Variants in CHCHD6 observed in about 807,000 individuals in gnomAD.
The protein encoded by CHCHD6 is MICOS complex subunit MIC25.
A neutral mutation model predicts 32.3 loss-of-function variants in CHCHD6; 28 were observed. The ratio of observed to expected loss-of-function variants is 0.87; its 90% CI spans 0.64 to 1.19. The LOEUF (loss-of-function observed/expected upper bound fraction) is 1.19. Ranked by LOEUF, CHCHD6 falls within the 50% of genes most tolerant of loss-of-function variation. CHCHD6 has a pLI of 0.00. For missense variants in CHCHD6, 333 were observed against 307.0 expected (o/e 1.08, Z -0.63); for synonymous variants, 122 against 117.5 (o/e 1.04, Z -0.25).
At chr3:126,720,162 G>A (rs1188943139) in intron 1 of CHCHD6, among the ~76,000 whole-genome samples, 4 of 152,210 alleles carry the variant, frequency 2.6e-5, no homozygotes, top group East Asian at 1.9e-4. Flanking sequence ...GATTGGAGGC[G>A]TGAGCCACTG....
intron 4 of CHCHD6, among the ~76,000 whole-genome samples, chr3:126,819,031 C>T (rs1413667715): frequency 6.6e-6 from 1 of 152,172 alleles, no homozygotes; most frequent in Non-Finnish European, 1.5e-5. Context: ...CTTATAGGGG[C>T]CTCCGCTTCC....
chr3:126,754,739 A>AAGATGT (rs1429363869), intron 4 of CHCHD6, among the ~76,000 whole-genome samples: 1 of 152,234 alleles, frequency 6.6e-6, no homozygotes, highest in Non-Finnish European at 1.5e-5. Flanking sequence ...ACGTCCCTCC[A>AAGATGT]GATGAATTTT....
intron 5 of CHCHD6, among the ~76,000 whole-genome samples, chr3:126,858,419 G>A (rs940269508): frequency 6.6e-6 from 1 of 152,132 alleles, no homozygotes; most frequent in Non-Finnish European, 1.5e-5. Context: ...CGGCACACGA[G>A]GCTTCATAAA....
intron 5 of CHCHD6, among the ~76,000 whole-genome samples, chr3:126,874,437 C>G (rs1405874031): frequency 6.6e-6 from 1 of 152,100 alleles, no homozygotes; most frequent in Non-Finnish European, 1.5e-5. Flanking sequence ...GCAGCTGAGC[C>G]CGTCAGGATG....
intron 1 of CHCHD6, among the ~76,000 whole-genome samples, chr3:126,716,788 G>C (rs777267301): frequency 1.3e-5 from 2 of 151,996 alleles, no homozygotes; most frequent in African/African-American, 2.4e-5. Flanking sequence ...AGCAGAGTAA[G>C]GGGAGGGACG....
At chr3:126,787,088 T>A (rs1438995266) in intron 4 of CHCHD6, among the ~76,000 whole-genome samples, 1 of 152,226 alleles carries the variant, frequency 6.6e-6, no homozygotes, top group African/African-American at 2.4e-5. Flanking sequence ...GGGAATCCTT[T>A]CCCCATTTCT....
intron 4 of CHCHD6, among the ~76,000 whole-genome samples, chr3:126,803,327 A>T (rs544042144): frequency 1.3e-5 from 2 of 152,090 alleles, no homozygotes; most frequent in East Asian, 3.8e-4. Context: ...CCCATCTCAC[A>T]TGCAGAGACA....
At chr3:126,910,598 C>G (rs185392996) in intron 5 of CHCHD6, among the ~76,000 whole-genome samples, 1 of 152,334 alleles carries the variant, frequency 6.6e-6, no homozygotes, top group East Asian at 1.9e-4. Flanking sequence ...TTGACTTATA[C>G]AGTGTTCCCT....
At chr3:126,736,532 A>G (rs1365874140) in intron 4 of CHCHD6, among the ~76,000 whole-genome samples, 4 of 152,162 alleles carry the variant, frequency 2.6e-5, no homozygotes, top group African/African-American at 4.8e-5. Flanking sequence ...ACTTTTTCCA[A>G]TATTGATTTT....
intron 5 of CHCHD6, among the ~76,000 whole-genome samples, chr3:126,911,541 A>T (rs1220907076): frequency 6.6e-6 from 1 of 152,182 alleles, no homozygotes; most frequent in African/African-American, 2.4e-5. Context: ...GGCAGATTAG[A>T]TGAGTGGGGT....
chr3:126,749,638 G>T (rs954655781), intron 4 of CHCHD6, among the ~76,000 whole-genome samples: 6 of 152,196 alleles, frequency 3.9e-5, no homozygotes, highest in Non-Finnish European at 8.8e-5. Context: ...ACTGGTGGGA[G>T]CTCTGCCAGC....
At chr3:126,841,568 A>ATTTATC (rs1304971298) in intron 4 of CHCHD6, among the ~76,000 whole-genome samples, 3 of 152,078 alleles carry the variant, frequency 2.0e-5, no homozygotes, top group African/African-American at 7.2e-5. Context: ...TATAACCATC[A>ATTTATC]TTTATCTTTC....
intron 4 of CHCHD6, among the ~76,000 whole-genome samples, chr3:126,762,633 A>C (rs1034492647): frequency 2.0e-5 from 3 of 152,076 alleles, no homozygotes; most frequent in Admixed American, 6.6e-5. Context: ...TTTTCTTATT[A>C]ATCTGTCAAA....
intron 5 of CHCHD6, among the ~76,000 whole-genome samples, chr3:126,893,674 C>T (rs188412747): frequency 5.6e-4 from 85 of 152,360 alleles, no homozygotes; most frequent in Non-Finnish European, 5.1e-4. Flanking sequence ...AGGGCTCTAC[C>T]TGGGGAGAAA....
intron 6 of CHCHD6, among the ~76,000 whole-genome samples, chr3:126,914,984 T>C (rs889508935): frequency 2.0e-5 from 3 of 152,204 alleles, no homozygotes; most frequent in East Asian, 3.9e-4. Context: ...GGTGCTAGGG[T>C]AGACTTGCAG....
chr3:126,718,619 A>G (rs1292756052), intron 1 of CHCHD6, among the ~76,000 whole-genome samples: 1 of 152,198 alleles, frequency 6.6e-6, no homozygotes, highest in East Asian at 1.9e-4. Context: ...CGCTCAGAGA[A>G]GCTAAAGAAT....
intron 5 of CHCHD6, among the ~76,000 whole-genome samples, chr3:126,914,196 C>T (rs1302285816): frequency 2.6e-5 from 4 of 152,138 alleles, no homozygotes; most frequent in Admixed American, 1.3e-4. Context: ...TTCACCTCTC[C>T]GGGAAGGAAA....
At chr3:126,749,068 C>T (rs553721980) in intron 4 of CHCHD6, among the ~76,000 whole-genome samples, 1 of 152,246 alleles carries the variant, frequency 6.6e-6, no homozygotes, top group African/African-American at 2.4e-5. Flanking sequence ...AGGGGGAGCT[C>T]TGCAGTTTGT....
intron 4 of CHCHD6, among the ~76,000 whole-genome samples, chr3:126,734,801 G>A (rs1935965909): frequency 6.6e-6 from 1 of 152,190 alleles, no homozygotes; most frequent in South Asian, 2.1e-4. Flanking sequence ...TGTTGAGAAG[G>A]TGATCGGATC....
Sources: allele counts gnomAD v4.1 joint callset (sites outside exome capture counted in the v4.1 genomes callset), GRCh38; gene constraint gnomAD v4.1.1; transcripts MANE v1.5; gene names NCBI Gene and HGNC (gene_info 2026-07-23, HGNC 2026-07-21).